The following ZFAND5 variants were observed in gnomAD, a reference collection of about 807,000 sequenced individuals.
ZFAND5 encodes the protein AN1-type zinc finger protein 5.
Under a neutral mutation model 23.6 loss-of-function variants are expected in ZFAND5, and 4 were observed. The ratio of observed to expected loss-of-function variants is 0.17; its 90% CI spans 0.08 to 0.39. The LOEUF (loss-of-function observed/expected upper bound fraction) is 0.39. Among genes scored for constraint, ZFAND5 ranks in the 10% least tolerant of loss-of-function variants. ZFAND5 has a pLI of 1.00. For missense variants in ZFAND5, 161 were observed against 253.7 expected, an observed-to-expected ratio of 0.63 and a Z score of 2.48; for synonymous variants, 68 against 80.6, an observed-to-expected ratio of 0.84 and a Z score of 0.84.
Position 72,357,015 on chromosome 9 carries a change from A to T in ZFAND5, c.409T>A (p.Ser137Thr), listed in dbSNP as rs931262990. The T allele has an allele frequency of 7.4e-6, 12 of 1,613,772 alleles. No homozygotes were observed. Among genetic ancestry groups the T allele is most frequent in the Non-Finnish European group, 1.0e-5 (12 of 1,179,780 alleles). The change falls in exon 6 of 7, where the codon TCT (serine) becomes ACT (threonine). Residue 137 changes from serine to threonine, a missense_variant. By Grantham distance (58) the Ser-to-Thr change is moderately conservative. Around this residue, in one of 3 missense-constraint regions of ZFAND5, gnomAD observed 116 missense variants for 115.2 expected, o/e 1.01. Coordinates refer to ENST00000376962, the MANE Select transcript of ZFAND5 (RefSeq NM_001102420.3). ...TCAGGAGCTTTTTCTTCACTCTGAG[A>T]AGTACTGGGCTGAGAAACTGATGGA... ...PSPSVSQPST[S>T]QSEEKAPELP... is the part of the protein sequence containing the mutation.
chr9:72,356,985 G>A lies in ZFAND5; in HGVS notation c.439C>T (p.Pro147Ser), dbSNP rs1255740061. The A allele has an allele frequency of 6.2e-7, 1 of 1,613,528 alleles. No individual in the cohort carries two copies. The change falls in exon 6 of 7, where the codon CCC becomes TCC. Residue 147 changes from proline (P) to serine (S), a missense_variant. By Grantham distance (74) the Pro-to-Ser change is moderately conservative. Coordinates refer to ENST00000376962, the MANE Select transcript of ZFAND5 (RefSeq NM_001102420.3). ...SQSEEKAPELPKPKKNRCFMC... is the reference protein window; with the variant it reads ...SQSEEKAPELSKPKKNRCFMC... ...AAACATCTGTTTTTCTTTGGTTTGG[G>A]CAATTCAGGAGCTTTTTCTTCACTC... is the stretch of plus-strand genomic sequence containing the variant.
At chr9:72,363,011 TTTTTTCCTAATGTAGGAAAAAC>T (rs1441608271) in intron 2 of ZFAND5, among the ~76,000 whole-genome samples, 2 of 152,168 alleles carry the variant, frequency 1.3e-5, no homozygotes, top group African/African-American at 2.4e-5. Flanking sequence ...GGGCTGCTAG[TTTTTTCCTAATGTAGGAAAAAC>T]TACAGAACAA....
Position 72,354,993 on chromosome 9 carries a change from T to C in ZFAND5, c.*960A>G, listed in dbSNP as rs1841899765. 1 of 152,664 alleles carries C rather than the reference T, an allele frequency of 6.6e-6. No homozygotes were observed. The highest frequency in any genetic ancestry group is 6.5e-5 in the Admixed American group (1 of 15,286). The allele number at this position is 152,664 out of a possible 1,614,324, so 9.5% of individuals were successfully genotyped here. On this transcript the variant is annotated 3_prime_UTR_variant, in exon 7 of 7. Transcript: ENST00000376962. ...TCTACTGCAGCCATGTTGGTTATGA[T>C]TTTCCATGCAGAAGGGTACAGTTAC... is the stretch of plus-strand genomic sequence containing the variant.
At chr9:72,357,965 A>G (rs1487719703) in intron 5 of ZFAND5, among the ~76,000 whole-genome samples, 1 of 152,180 alleles carries the variant, frequency 6.6e-6, no homozygotes, top group Non-Finnish European at 1.5e-5. Context: ...ACTTACATAT[A>G]ATTCAACTAC....
chr9:72,363,618 A>G lies in ZFAND5; in HGVS notation c.-146-12T>C, dbSNP rs1297678579. The G allele has an allele frequency of 1.2e-5, 12 of 983,264 alleles. No individual in the cohort carries two copies. Among genetic ancestry groups the G allele is most frequent in the Non-Finnish European group, 1.4e-5 (12 of 827,898 alleles). 60.9% of individuals were successfully genotyped at this position (983,264 alleles called of 1,614,324 possible). A position where few individuals can be genotyped will look rare whatever the true frequency, so the allele number is the denominator to read the frequency against. On this transcript the variant is annotated splice_polypyrimidine_tract_variant and intron_variant, in intron 1 of 6. Coordinates refer to ENST00000376962, the MANE Select transcript of ZFAND5 (RefSeq NM_001102420.3). ...CTCCTTTTCAGGGCCTGGGAGATAG[A>G]AAACAGGAGACAACTACAAAGAATC...
intron 2 of ZFAND5, among the ~76,000 whole-genome samples, chr9:72,361,791 A>G (rs1405186132): frequency 6.6e-6 from 1 of 152,196 alleles, no homozygotes; most frequent in East Asian, 1.9e-4. Context: ...AAATTATTTT[A>G]AAATAAAGTT....
rs1841798842 is a variant in ZFAND5 at position 72,352,396 on chromosome 9, A to C, written c.*3557T>G. 6.6e-6 allele frequency: 1 copy of C among 152,202 alleles called. No homozygotes were observed. The allele number at this position is 152,202 out of a possible 1,614,324, so 9.4% of individuals were successfully genotyped here. On this transcript the variant is annotated 3_prime_UTR_variant, in exon 7 of 7. Transcript: ENST00000376962. ...ATTTACATGTGGAAAAGATTAAATA[A>C]CCTTTCTAAATTATGAGTTACCTAA... is the stretch of plus-strand genomic sequence containing the variant.
At position 72,352,740 on chromosome 9, in the gene ZFAND5, C is replaced by CACACT. The variant is rs1841809047; in HGVS notation, c.*3212_*3213insAGTGT. The CACACT allele has an allele frequency of 6.6e-6, 1 of 152,204 alleles. No individual in the cohort carries two copies. Among genetic ancestry groups the CACACT allele is most frequent in the African/African-American group, 2.4e-5 (1 of 41,444 alleles). The allele number at this position is 152,204 out of a possible 1,614,324, so 9.4% of individuals were successfully genotyped here. A position where few individuals can be genotyped will look rare whatever the true frequency, so the allele number is the denominator to read the frequency against. On this transcript the variant is annotated 3_prime_UTR_variant, in exon 7 of 7. Coordinates refer to ENST00000376962, the MANE Select transcript of ZFAND5 (RefSeq NM_001102420.3). ...CCAATCCTGTTCTCAAAGTTTTCTTCCCAAGTTATGGAAACCATTATTCCA... is the reference window on the plus strand; with the variant it reads ...CCAATCCTGTTCTCAAAGTTTTCTTCACACTCCAAGTTATGGAAACCATTATTCCA...
rs776890756 is a variant in ZFAND5, at chr9:72,355,091, A to T, written c.*862T>A. Reference sequence around the variant, plus strand: ...CCAAAACATTCGACAAAAGATGCACATGAAAAATTATTCAGATACCTTTGC... The same window carrying T: ...CCAAAACATTCGACAAAAGATGCACTTGAAAAATTATTCAGATACCTTTGC... On this transcript the variant is annotated 3_prime_UTR_variant, in exon 7 of 7. Transcript: ENST00000376962. 6.5e-6 allele frequency: 1 copy of T among 152,698 alleles called. No homozygotes were observed. The highest frequency in any genetic ancestry group is 1.5e-5 in the Non-Finnish European group (1 of 68,044). The allele number at this position is 152,698 out of a possible 1,614,324, so 9.5% of individuals were successfully genotyped here. A position where few individuals can be genotyped will look rare whatever the true frequency, so the allele number is the denominator to read the frequency against.
In ZFAND5 at chr9:72,364,378, G is replaced by A. The variant is rs919064902; in HGVS notation, c.-147+318C>T. 2.6e-6 allele frequency: 3 copies of A among 1,167,532 alleles called. No individual in the cohort carries two copies. The African/African-American group carries it at 5.1e-5, about 20-fold the overall frequency. 72.3% of individuals were successfully genotyped at this position (1,167,532 alleles called of 1,614,324 possible). A position where few individuals can be genotyped will look rare whatever the true frequency, so the allele number is the denominator to read the frequency against. Reference sequence around the variant, plus strand: ...GGCCTCTTTGTTTCTCTGGGTCGTGGTGCCCACGCCGGGCGCCGCCGCGGA... The same window carrying A: ...GGCCTCTTTGTTTCTCTGGGTCGTGATGCCCACGCCGGGCGCCGCCGCGGA... On this transcript the variant is annotated intron_variant, in intron 1 of 6. Transcript: ENST00000376962.
At chr9:72,364,447 G>GC in intron 1 of ZFAND5, 1 of 1,271,412 alleles carries the variant, frequency 7.9e-7, no homozygotes, top group Non-Finnish European at 1.0e-6. Flanking sequence ...GGCACGCCGT[G>GC]CATTGTTTCC....
chr9:72,360,303 C>T (rs1842062642), intron 3 of ZFAND5, 82 bp from the exon 4 acceptor site: 1 of 1,193,390 alleles, frequency 8.4e-7, no homozygotes, highest in Admixed American at 2.1e-5. Context: ...TAAATACTTG[C>T]ATTTAATTAG....
Position 72,357,033 on chromosome 9 carries a change from C to T in ZFAND5, c.391G>A (p.Val131Ile). 1 of 1,613,480 alleles carries T rather than the reference C, an allele frequency of 6.2e-7. No individual in the cohort carries two copies. The highest frequency in any genetic ancestry group is 8.5e-7 in the Non-Finnish European group (1 of 1,179,578). Residue 131 changes from valine to isoleucine, a missense_variant, in exon 6 of 7, where the codon GTT becomes ATT. Transcript: ENST00000376962. The stretch of plus-strand genomic sequence containing the variant: ...CTCTGAGAAGTACTGGGCTGAGAAA[C>T]TGATGGACTGGGCTGAGTGACAACT... ...EPVVTQPSPS[V>I]SQPSTSQSEE...
At position 72,355,202 on chromosome 9, in the gene ZFAND5, A is replaced by AC. The variant is rs1841907935; in HGVS notation, c.*750_*751insG. ...AGTTTAAATTTCTTCTTGTAAACAA[A>AC]TTAATCCTAGTGCAGTTCTGTGCTA... On this transcript the variant is annotated 3_prime_UTR_variant, in exon 7 of 7. Transcript: ENST00000376962. 6.5e-6 allele frequency: 1 copy of AC among 152,696 alleles called. No individual in the cohort carries two copies. The highest frequency in any genetic ancestry group is 2.4e-5 in the African/African-American group (1 of 41,464). The allele number at this position is 152,696 out of a possible 1,614,324, so 9.5% of individuals were successfully genotyped here.
intron 1 of ZFAND5, chr9:72,364,203 T>A (rs1842190547): frequency 3.9e-6 from 1 of 257,222 alleles, no homozygotes. Context: ...AACCACTGAG[T>A]CATGCAGAAC....
rs1841851555 is a variant in ZFAND5, at chr9:72,353,762, T to C, written c.*2191A>G. 6.6e-6 allele frequency: 1 copy of C among 152,202 alleles called. No individual in the cohort carries two copies. Among genetic ancestry groups the C allele is most frequent in the Admixed American group, 6.5e-5 (1 of 15,280 alleles). The allele number at this position is 152,202 out of a possible 1,614,324, so 9.4% of individuals were successfully genotyped here. On this transcript the variant is annotated 3_prime_UTR_variant, in exon 7 of 7. Coordinates refer to ENST00000376962, the MANE Select transcript of ZFAND5 (RefSeq NM_001102420.3). ...TACTTCCATTTTTAACTTGAAAAATTAAGTTGCCCTTCTAAATCTTCAACT... is the reference window on the plus strand; with the variant it reads ...TACTTCCATTTTTAACTTGAAAAATCAAGTTGCCCTTCTAAATCTTCAACT...
rs769424988 is a variant in ZFAND5, at chr9:72,356,936, A to G, written c.488T>C (p.Leu163Pro). The change falls in exon 6 of 7, where the codon CTT becomes CCT. Residue 163 changes from leucine to proline, a missense_variant. By Grantham distance (98) the Leu-to-Pro change is moderately conservative. This residue lies in a region of ZFAND5 where 24 missense variants were observed against 80.0 expected (regional missense o/e 0.30). Transcript: ENST00000376962. ...RCFMCRKKVG[L>P]TGFDCRCGNL... is the part of the protein sequence containing the mutation. ...TGTCTTGTGTTTTGTAATACCTGTA[A>G]GACCAACTTTCTTTCTGCACATGAA... 1.2e-6 allele frequency: 2 copies of G among 1,612,178 alleles called. No individual in the cohort carries two copies. Among genetic ancestry groups the G allele is most frequent in the Non-Finnish European group, 1.7e-6 (2 of 1,179,636 alleles).
intron 1 of ZFAND5, 34 bp from the exon 2 acceptor site, chr9:72,363,640 A>C: frequency 2.0e-6 from 2 of 984,096 alleles, no homozygotes; most frequent in East Asian, 1.1e-4. Flanking sequence ...AACTACAAAG[A>C]ATCCTTAATT....
rs2131970031 is a variant in ZFAND5, at chr9:72,354,773, A to C, written c.*1180T>G. 1 of 152,772 alleles carries C rather than the reference A, an allele frequency of 6.5e-6. No individual in the cohort carries two copies. Among genetic ancestry groups the C allele is most frequent in the East Asian group, 1.9e-4 (1 of 5,188 alleles). 9.5% of individuals were successfully genotyped at this position (152,772 alleles called of 1,614,324 possible). ...AAACACAAGTTTCATACATCACAAA[A>C]AACCTTCCATTATAACACAGAAGTG... On this transcript the variant is annotated 3_prime_UTR_variant, in exon 7 of 7. Coordinates refer to ENST00000376962, the MANE Select transcript of ZFAND5 (RefSeq NM_001102420.3).
Sources: gnomAD v4.1 joint callset for allele counts (sites outside exome capture counted in the v4.1 genomes callset) on GRCh38, gnomAD v4.1.1 for gene constraint, gnomAD v4.1.1 regional missense constraint, MANE v1.5 for transcripts, NCBI Gene and HGNC (gene_info 2026-07-23, HGNC 2026-07-21) for gene names.